The following ADGRL4 variants were observed in gnomAD, a reference collection of about 807,000 sequenced individuals.
The protein encoded by ADGRL4 is adhesion G protein-coupled receptor L4.
A neutral mutation model predicts 74.8 loss-of-function variants in ADGRL4; 90 were observed. That is an observed-to-expected ratio of 1.20 (90% CI 1.02 to 1.43). The LOEUF is 1.43. Ranked by LOEUF, ADGRL4 falls within the 40% of genes most tolerant of loss-of-function variation. ADGRL4 has a pLI of 0.00. For missense variants in ADGRL4, 881 were observed against 814.3 expected (o/e 1.08, Z -1.00); for synonymous variants, 311 against 279.2 (o/e 1.11, Z -1.14).
intron 10 of ADGRL4, among the ~76,000 whole-genome samples, chr1:78,919,786 A>G (rs1006349347): frequency 1.3e-5 from 2 of 152,074 alleles, no homozygotes; most frequent in East Asian, 1.9e-4. Flanking sequence ...GGTAAAACCA[A>G]TTTATCACAT....
At chr1:78,998,121 A>G (rs936938915) in intron 2 of ADGRL4, among the ~76,000 whole-genome samples, 1 of 152,110 alleles carries the variant, frequency 6.6e-6, no homozygotes, top group Non-Finnish European at 1.5e-5. Context: ...CCACCACCAC[A>G]GGGGAAAGCC....
rs1222694879 is a variant in ADGRL4, at chr1:78,891,284, TCA to T, written c.2011-70_2011-69del. On this transcript the variant is annotated intron_variant, in intron 14 of 14. Transcript: ENST00000370742. ...AATCACATTTAATTTCTTTTTCAAA[TCA>T]CAATAAATTGTTACATATGGTTTTC... 4 of 1,474,400 alleles carry T rather than the reference TCA, an allele frequency of 2.7e-6. No individual in the cohort carries two copies. The South Asian group carries it at 3.8e-5, about 14-fold the overall frequency. 91.3% of individuals were successfully genotyped at this position (1,474,400 alleles called of 1,614,324 possible).
In ADGRL4 at chr1:78,895,396, A is replaced by G. The variant is rs1053740686; in HGVS notation, c.1750-2207T>C. Among the ~76,000 whole-genome samples the G allele has an allele frequency of 2.0e-5, 3 of 152,044 alleles. No individual in the cohort carries two copies. The South Asian group carries it at 6.2e-4, about 31-fold the overall frequency. ...ATGGTCTTTTGTTCTCATATATTCT[A>G]TTGAGAAACAGATAGTAAACAAATA... On this transcript the variant is annotated intron_variant, in intron 12 of 14. Coordinates refer to ENST00000370742, the MANE Select transcript of ADGRL4 (RefSeq NM_022159.4).
At chr1:78,899,344 G>C (rs1292532749) in intron 12 of ADGRL4, among the ~76,000 whole-genome samples, 2 of 152,040 alleles carry the variant, frequency 1.3e-5, no homozygotes, top group Admixed American at 6.6e-5. Flanking sequence ...CTGCAGAAAT[G>C]GCTATGTATG....
At position 78,903,921 on chromosome 1, in the gene ADGRL4, C is replaced by T. The variant is rs565335712; in HGVS notation, c.1750-10732G>A. On this transcript the variant is annotated intron_variant, in intron 12 of 14. Transcript: ENST00000370742. ...ACTGCACTCCAGCCTGGTGACACAG[C>T]GAGACTCCATATAAAATAAATAAAT... is the stretch of plus-strand genomic sequence containing the variant. Among the ~76,000 whole-genome samples, 414 of 148,706 alleles carry T rather than the reference C, an allele frequency of 2.8e-3. 2 individuals carry two copies. Among genetic ancestry groups the T allele is most frequent in the Non-Finnish European group, 3.8e-3 (253 of 67,396 alleles).
intron 7 of ADGRL4, among the ~76,000 whole-genome samples, chr1:78,933,504 C>T (rs1649290138): frequency 6.6e-6 from 1 of 151,420 alleles, no homozygotes; most frequent in Non-Finnish European, 1.5e-5. Context: ...GAAGCATTCC[C>T]TTTGAAAACT....
intron 2 of ADGRL4, among the ~76,000 whole-genome samples, chr1:78,980,164 G>T (rs1274763860): frequency 6.6e-6 from 1 of 151,332 alleles, no homozygotes; most frequent in Non-Finnish European, 1.5e-5. Flanking sequence ...ACTCATGCGT[G>T]TGCACACACA....
At chr1:78,973,507 A>C in intron 2 of ADGRL4, among the ~76,000 whole-genome samples, 1 of 151,394 alleles carries the variant, frequency 6.6e-6, no homozygotes, top group Non-Finnish European at 1.5e-5. Flanking sequence ...ATACAAATTA[A>C]ATAAAATGTA....
intron 2 of ADGRL4, among the ~76,000 whole-genome samples, chr1:78,983,749 T>C (rs1302593331): frequency 6.6e-6 from 1 of 151,708 alleles, no homozygotes; most frequent in Non-Finnish European, 1.5e-5. Flanking sequence ...TTAATGAAAA[T>C]AACTCTAAAA....
intron 12 of ADGRL4, among the ~76,000 whole-genome samples, chr1:78,914,485 T>G (rs12142366): frequency 0.28 from 43,054 of 151,562 alleles, 6,175 homozygotes; most frequent in Middle Eastern, 0.32. Flanking sequence ...TCCTAATCAG[T>G]AGGTCATTGC....
intron 3 of ADGRL4, among the ~76,000 whole-genome samples, chr1:78,945,708 CT>C (rs1384809305): frequency 1.3e-5 from 2 of 152,054 alleles, no homozygotes; most frequent in Non-Finnish European, 2.9e-5. Flanking sequence ...ATTATTTTCC[CT>C]ACAAAGGACA....
At chr1:78,985,718 A>G (rs947025105) in intron 2 of ADGRL4, among the ~76,000 whole-genome samples, 2 of 151,858 alleles carry the variant, frequency 1.3e-5, no homozygotes, top group African/African-American at 2.4e-5. Context: ...ACATACATGC[A>G]TGCGTATGTT....
At chr1:78,986,206 T>TA (rs1486769612) in intron 2 of ADGRL4, among the ~76,000 whole-genome samples, 1 of 151,604 alleles carries the variant, frequency 6.6e-6, no homozygotes, top group Non-Finnish European at 1.5e-5. Flanking sequence ...AACAATCACA[T>TA]AAAAAACAAA....
chr1:78,953,162 G>T (rs1649765199), intron 2 of ADGRL4, among the ~76,000 whole-genome samples: 1 of 152,112 alleles, frequency 6.6e-6, no homozygotes, highest in African/African-American at 2.4e-5. Flanking sequence ...GACCATTGGA[G>T]ATATGGAAAA....
chr1:78,945,177 A>AAAAAAAAAAATATAT lies in ADGRL4; in HGVS notation c.325+1096_325+1097insATATATTTTTTTTTT, dbSNP rs376405445. ...GAGACTCTGTCTCAAAAAAAAAAAA[A>AAAAAAAAAAATATAT]ATATATATATATATATATATCTCAA... is the stretch of plus-strand genomic sequence containing the variant. On this transcript the variant is annotated intron_variant, in intron 3 of 14. Coordinates refer to ENST00000370742, the MANE Select transcript of ADGRL4 (RefSeq NM_022159.4). Among the ~76,000 whole-genome samples the AAAAAAAAAAATATAT allele has an allele frequency of 7.3e-3, 931 of 127,590 alleles. 31 individuals are homozygous for AAAAAAAAAAATATAT. In the East Asian group the frequency reaches 0.12, roughly 17 times the overall value. The allele number at this position is 127,590 out of a possible 152,430, so 83.7% of individuals were successfully genotyped here. A position where few individuals can be genotyped will look rare whatever the true frequency, so the allele number is the denominator to read the frequency against.
At chr1:79,004,439 T>C (rs1449978316) in intron 2 of ADGRL4, among the ~76,000 whole-genome samples, 1 of 152,096 alleles carries the variant, frequency 6.6e-6, no homozygotes, top group Non-Finnish European at 1.5e-5. Context: ...CAGATGGTGT[T>C]CTGCTGATCA....
intron 2 of ADGRL4, among the ~76,000 whole-genome samples, chr1:78,947,682 A>C (rs1020064228): frequency 3.3e-5 from 5 of 152,188 alleles, no homozygotes; most frequent in African/African-American, 9.6e-5. Flanking sequence ...AAAGAGAAGA[A>C]GAAAGGAAAA....
At chr1:78,976,308 T>C (rs1650278695) in intron 2 of ADGRL4, among the ~76,000 whole-genome samples, 2 of 152,030 alleles carry the variant, frequency 1.3e-5, no homozygotes, top group African/African-American at 4.8e-5. Context: ...CTTGCTCATG[T>C]AGCAACAGCT....
At chr1:78,937,682 T>C (rs1340754980) in intron 6 of ADGRL4, 125 bp downstream of exon 6, 3 of 817,326 alleles carry the variant, frequency 3.7e-6, no homozygotes, top group Admixed American at 5.0e-5. Context: ...ATTTGTACAC[T>C]GATAAAACTA....
Sources: allele counts gnomAD v4.1 joint callset (sites outside exome capture counted in the v4.1 genomes callset), GRCh38; gene constraint gnomAD v4.1.1; transcripts MANE v1.5; gene names NCBI Gene and HGNC (gene_info 2026-07-23, HGNC 2026-07-21).